ATF7IP: variants seen among roughly 807,000 people sequenced by gnomAD.
ATF7IP encodes the protein activating transcription factor 7-interacting protein 1.
A neutral mutation model predicts 106.4 loss-of-function variants in ATF7IP; 23 were observed. The ratio of observed to expected loss-of-function variants is 0.22; its 90% CI spans 0.16 to 0.31. The LOEUF is 0.31. Among genes scored for constraint, ATF7IP ranks in the 10% least tolerant of loss-of-function variants. ATF7IP has a pLI of 1.00. For synonymous variants in ATF7IP, 542 were observed against 539.0 expected, an observed-to-expected ratio of 1.01 and a Z score of -0.08; for missense variants, 1,334 against 1,524.3, an observed-to-expected ratio of 0.88 and a Z score of 2.08.
intron 1 of ATF7IP, among the ~76,000 whole-genome samples, chr12:14,409,641 A>G (rs1225333446): frequency 2.0e-5 from 3 of 152,170 alleles, no homozygotes; most frequent in Non-Finnish European, 2.9e-5. Context: ...ATTATGTACC[A>G]TTTGGGACAG....
Position 14,496,212 on chromosome 12 carries a change from T to A in ATF7IP, c.3281-19T>A, listed in dbSNP as rs1167262725. 4 of 1,463,626 alleles carry A rather than the reference T, an allele frequency of 2.7e-6. No homozygotes were observed. The African/African-American group carries it at 5.6e-5, about 20-fold the overall frequency. The allele number at this position is 1,463,626 out of a possible 1,614,324, so 90.7% of individuals were successfully genotyped here. A position where few individuals can be genotyped will look rare whatever the true frequency, so the allele number is the denominator to read the frequency against. On this transcript the variant is annotated intron_variant, in intron 13 of 14. Coordinates refer to ENST00000261168, the MANE Select transcript of ATF7IP (RefSeq NM_018179.5). ...ATAGAATTATCATTTTATCCTGTAA[T>A]TTTTTTGTTTGTTTGTAGGTGTTAC... is the stretch of plus-strand genomic sequence containing the variant.
intron 2 of ATF7IP, among the ~76,000 whole-genome samples, chr12:14,434,076 A>T (rs1206364759): frequency 6.6e-6 from 1 of 152,146 alleles, no homozygotes; most frequent in Non-Finnish European, 1.5e-5. Flanking sequence ...TTATTAAGTA[A>T]TTTTTTTAAA....
In ATF7IP at chr12:14,501,797, T is replaced by G. The variant is rs1382137016; in HGVS notation, c.*3724T>G. 2 of 152,224 alleles carry G rather than the reference T, an allele frequency of 1.3e-5. No homozygotes were observed. Among genetic ancestry groups the G allele is most frequent in the East Asian group, 3.8e-4 (2 of 5,204 alleles). 9.4% of individuals were successfully genotyped at this position (152,224 alleles called of 1,614,324 possible). A position where few individuals can be genotyped will look rare whatever the true frequency, so the allele number is the denominator to read the frequency against. On this transcript the variant is annotated 3_prime_UTR_variant, in exon 15 of 15. Transcript: ENST00000261168. ...AGACCTCCTTAAGCAGGCTGTATCT[T>G]ACAATTCCCTTACTGCACTGGGTAA...
Position 14,448,521 on chromosome 12 carries a change from C to G in ATF7IP, c.1995+1468C>G, listed in dbSNP as rs1217026919. ...CATAAGTGGACTCCCTCATGCTACCCTTTTCTGGTTTTATTTTTATTATTG... is the reference window on the plus strand; with the variant it reads ...CATAAGTGGACTCCCTCATGCTACCGTTTTCTGGTTTTATTTTTATTATTG... On this transcript the variant is annotated intron_variant, in intron 6 of 14. Coordinates refer to ENST00000261168, the MANE Select transcript of ATF7IP (RefSeq NM_018179.5). 2.6e-5 allele frequency among the ~76,000 whole-genome samples: 4 copies of G among 152,116 alleles called. No homozygotes were observed. The East Asian group carries it at 5.8e-4, about 22-fold the overall frequency.
chr12:14,368,945 G>A lies in ATF7IP; in HGVS notation c.-8+3118G>A, dbSNP rs1467049137. ...GTTTTGCATTTTTATGTAGTAAAAT[G>A]TACTGCCCCCCTTTTTTTTTTTGAG... is the stretch of plus-strand genomic sequence containing the variant. On this transcript the variant is annotated intron_variant, in intron 1 of 14. Coordinates refer to ENST00000261168, the MANE Select transcript of ATF7IP (RefSeq NM_018179.5). Among the ~76,000 whole-genome samples the A allele has an allele frequency of 5.3e-5, 8 of 151,374 alleles. 1 individual carries two copies. The highest frequency in any genetic ancestry group is 8.8e-5 in the Non-Finnish European group (6 of 67,866).
intron 2 of ATF7IP, among the ~76,000 whole-genome samples, chr12:14,428,276 C>T (rs1941962059): frequency 6.6e-6 from 1 of 152,124 alleles, no homozygotes; most frequent in African/African-American, 2.4e-5. Flanking sequence ...GAATATTAAG[C>T]CATCCATGTT....
intron 1 of ATF7IP, among the ~76,000 whole-genome samples, chr12:14,394,021 A>T (rs544559858): frequency 6.6e-6 from 1 of 152,336 alleles, no homozygotes; most frequent in African/African-American, 2.4e-5. Flanking sequence ...CTAGGTTTTT[A>T]TACTCAGCAC....
chr12:14,386,685 A>G (rs928987860), intron 1 of ATF7IP, among the ~76,000 whole-genome samples: 1 of 152,178 alleles, frequency 6.6e-6, no homozygotes, highest in Non-Finnish European at 1.5e-5. Flanking sequence ...TGTCATGTGT[A>G]TTTAATAAAA....
chr12:14,449,954 A>G (rs1295781818), intron 6 of ATF7IP, among the ~76,000 whole-genome samples: 4 of 151,940 alleles, frequency 2.6e-5, no homozygotes, highest in African/African-American at 9.7e-5. Context: ...CGATGCTATT[A>G]TAAATTATAT....
At chr12:14,476,817 AAAT>A (rs1444842288) in intron 11 of ATF7IP, among the ~76,000 whole-genome samples, 3 of 152,342 alleles carry the variant, frequency 2.0e-5, no homozygotes, top group African/African-American at 4.8e-5. Flanking sequence ...TTCACATCCA[AAAT>A]AATAATGTTC....
At chr12:14,446,652 T>C (rs1241858589) in intron 5 of ATF7IP, among the ~76,000 whole-genome samples, 2 of 152,156 alleles carry the variant, frequency 1.3e-5, no homozygotes, top group African/African-American at 4.8e-5. Flanking sequence ...AAATCAAGTG[T>C]GATTACAACT....
chr12:14,464,876 T>G (rs1265259528), intron 9 of ATF7IP, among the ~76,000 whole-genome samples: 1 of 152,222 alleles, frequency 6.6e-6, no homozygotes, highest in Non-Finnish European at 1.5e-5. Context: ...GTCTAAATCT[T>G]TCTTGCATCT....
Position 14,501,986 on chromosome 12 carries a change from A to C in ATF7IP, c.*3913A>C, listed in dbSNP as rs1398352913. ...ACAAAGTAATGCCTGTGGTATCCTC[A>C]TCTCTCACTTTTTTACTCTGTGATT... is the stretch of plus-strand genomic sequence containing the variant. On this transcript the variant is annotated 3_prime_UTR_variant, in exon 15 of 15. Transcript: ENST00000261168. The C allele has an allele frequency of 6.6e-6, 1 of 152,192 alleles. No homozygotes were observed. The highest frequency in any genetic ancestry group is 1.5e-5 in the Non-Finnish European group (1 of 68,044). The allele number at this position is 152,192 out of a possible 1,614,324, so 9.4% of individuals were successfully genotyped here.
At chr12:14,370,927 T>G (rs1938509692) in intron 1 of ATF7IP, among the ~76,000 whole-genome samples, 1 of 151,940 alleles carries the variant, frequency 6.6e-6, no homozygotes, top group Non-Finnish European at 1.5e-5. Flanking sequence ...GATGGAGGAA[T>G]TTGAAAAGGT....
In ATF7IP at chr12:14,502,637, A is replaced by T. The variant is rs1168526697; in HGVS notation, c.*4564A>T. On this transcript the variant is annotated 3_prime_UTR_variant, in exon 15 of 15. Transcript: ENST00000261168. ...TTTATCAGCCATTTTAAAATTAAATATAAAAATCCTTTGTAAGAAACTTGC... is the reference window on the plus strand; with the variant it reads ...TTTATCAGCCATTTTAAAATTAAATTTAAAAATCCTTTGTAAGAAACTTGC... The T allele has an allele frequency of 6.6e-6, 1 of 152,200 alleles. No homozygotes were observed. Among genetic ancestry groups the T allele is most frequent in the Non-Finnish European group, 1.5e-5 (1 of 68,036 alleles). The allele number at this position is 152,200 out of a possible 1,614,324, so 9.4% of individuals were successfully genotyped here. A position where few individuals can be genotyped will look rare whatever the true frequency, so the allele number is the denominator to read the frequency against.
At position 14,423,960 on chromosome 12, in the gene ATF7IP, A is replaced by T. The variant is rs867490690; in HGVS notation, c.45A>T (p.Arg15=). ...CTCAGAAAAAAGTCTTTAAGGCTCGAAAAACGATGAGAGTGAGTGATCGTC... is the reference window on the plus strand; with the variant it reads ...CTCAGAAAAAAGTCTTTAAGGCTCGTAAAACGATGAGAGTGAGTGATCGTC... ...EEPQKKVFKA[R]KTMRVSDRQQ... is the part of the protein sequence containing the mutation. Residue 15 remains arginine (R), a synonymous_variant, in exon 2 of 15, where the codon CGA becomes CGT. Coordinates refer to ENST00000261168, the MANE Select transcript of ATF7IP (RefSeq NM_018179.5). 6.2e-7 allele frequency: 1 copy of T among 1,611,804 alleles called. No homozygotes were observed. The highest frequency in any genetic ancestry group is 8.5e-7 in the Non-Finnish European group (1 of 1,179,244).
Position 14,437,849 on chromosome 12 carries a change from C to T in ATF7IP, c.1792-281C>T, listed in dbSNP as rs1305358144. Among the ~76,000 whole-genome samples, 6 of 151,922 alleles carry T rather than the reference C, an allele frequency of 3.9e-5. No individual in the cohort carries two copies. In the South Asian group the frequency reaches 6.2e-4, roughly 16 times the overall value. On this transcript the variant is annotated intron_variant, in intron 4 of 14. Coordinates refer to ENST00000261168, the MANE Select transcript of ATF7IP (RefSeq NM_018179.5). ...CGGGCGGATCACGAGGTCAGGAGAT[C>T]GAGACCATCCCGGCTAAAACGGTGA...
intron 9 of ATF7IP, among the ~76,000 whole-genome samples, chr12:14,463,788 A>G: frequency 6.6e-6 from 1 of 152,178 alleles, no homozygotes. Flanking sequence ...AAAAAGATTT[A>G]AAAGTTATTT....
Position 14,496,431 on chromosome 12 carries a change from T to C in ATF7IP, c.3393+88T>C. On this transcript the variant is annotated intron_variant, in intron 14 of 14. Coordinates refer to ENST00000261168, the MANE Select transcript of ATF7IP (RefSeq NM_018179.5). Reference sequence around the variant, plus strand: ...TTGGCATTTTTCTTTAAAATGGTTATATCCAAGGGAAGTGTTAGGTCTTCC... The same window carrying C: ...TTGGCATTTTTCTTTAAAATGGTTACATCCAAGGGAAGTGTTAGGTCTTCC... 8.4e-6 allele frequency: 7 copies of C among 831,734 alleles called. No homozygotes were observed. The South Asian group carries it at 9.9e-5, about 12-fold the overall frequency. The allele number at this position is 831,734 out of a possible 1,614,324, so 51.5% of individuals were successfully genotyped here.
Sources: gnomAD v4.1 joint callset for allele counts (sites outside exome capture counted in the v4.1 genomes callset) on GRCh38, gnomAD v4.1.1 for gene constraint, MANE v1.5 for transcripts, NCBI Gene and HGNC (gene_info 2026-07-23, HGNC 2026-07-21) for gene names.